The following MDFIC variants were observed in gnomAD, a reference collection of about 807,000 sequenced individuals.
The protein encoded by MDFIC is MyoD family inhibitor domain containing.
Under a neutral mutation model 23.2 loss-of-function variants are expected in MDFIC, and 17 were observed. The observed-to-expected ratio is 0.73, with a 90% CI of 0.50 to 1.10. MDFIC has a LOEUF of 1.10. Among genes scored for constraint, MDFIC ranks in the 50% least tolerant of loss-of-function variants. The probability of loss-of-function intolerance (pLI) is 0.00; values close to 1 mark genes in which losing one functional copy is unlikely to be tolerated. For missense variants in MDFIC, 356 were observed against 316.6 expected (o/e 1.12, Z -0.95); for synonymous variants, 120 against 115.2 (o/e 1.04, Z -0.27).
chr7:115,005,446 T>C (rs1227079717), intron 4 of MDFIC, among the ~76,000 whole-genome samples: 1 of 152,220 alleles, frequency 6.6e-6, no homozygotes, highest in Non-Finnish European at 1.5e-5. Flanking sequence ...CCTTTCTTTT[T>C]GTAGTTCTGG....
intron 3 of MDFIC, among the ~76,000 whole-genome samples, chr7:114,958,004 G>A (rs1247071852): frequency 6.6e-6 from 1 of 152,178 alleles, no homozygotes; most frequent in Non-Finnish European, 1.5e-5. Flanking sequence ...TAAAAAATGA[G>A]TCATGGACTT....
chr7:115,003,770 T>C (rs1466122363), intron 4 of MDFIC, among the ~76,000 whole-genome samples: 2 of 152,204 alleles, frequency 1.3e-5, no homozygotes, highest in Non-Finnish European at 1.5e-5. Flanking sequence ...ATCTAACATA[T>C]GCTTCTTCTT....
At chr7:114,985,430 G>T (rs912176941) in intron 4 of MDFIC, among the ~76,000 whole-genome samples, 6 of 151,938 alleles carry the variant, frequency 3.9e-5, no homozygotes, top group African/African-American at 1.5e-4. Flanking sequence ...ATAGAGGGAG[G>T]CATTCAAGGC....
rs1212080682 is a variant in MDFIC at position 114,998,443 on chromosome 7, T to C, written c.494-17245T>C. 1.6e-4 allele frequency among the ~76,000 whole-genome samples: 25 copies of C among 152,000 alleles called. 1 individual carries two copies. The highest frequency in any genetic ancestry group is 1.6e-3 in the Admixed American group (25 of 15,256). ...AGTTGCATTGTTGAGGGTGGAAGAG[T>C]GAGTATATTTAAATCAGCTGGACTA... On this transcript the variant is annotated intron_variant, in intron 4 of 4. Transcript: ENST00000393486.
Position 115,018,374 on chromosome 7 carries a change from T to C in MDFIC, c.*2439T>C, listed in dbSNP as rs1791835021. Reference sequence around the variant, plus strand: ...TTTAAACATGTACTGGCACAATTTGTGATGAAAATATTAGCACATTTGCAA... The same window carrying C: ...TTTAAACATGTACTGGCACAATTTGCGATGAAAATATTAGCACATTTGCAA... On this transcript the variant is annotated 3_prime_UTR_variant, in exon 5 of 5. Transcript: ENST00000393486. The C allele has an allele frequency of 6.6e-6, 1 of 152,010 alleles. No individual in the cohort carries two copies. Among genetic ancestry groups the C allele is most frequent in the Non-Finnish European group, 1.5e-5 (1 of 67,866 alleles). 9.4% of individuals were successfully genotyped at this position (152,010 alleles called of 1,614,324 possible).
At chr7:114,923,780 C>T in intron 2 of MDFIC, 1 of 642,574 alleles carries the variant, frequency 1.6e-6, no homozygotes, top group Non-Finnish European at 2.2e-6. Context: ...AACCTTTCTT[C>T]TCTTGAAGGC....
intron 4 of MDFIC, among the ~76,000 whole-genome samples, chr7:115,002,599 C>A (rs1009043075): frequency 1.3e-5 from 2 of 152,224 alleles, no homozygotes; most frequent in African/African-American, 4.8e-5. Flanking sequence ...TTTAAAGAAG[C>A]ACTTGGCAAC....
At chr7:114,959,532 A>G (rs1792946189) in intron 3 of MDFIC, among the ~76,000 whole-genome samples, 1 of 152,196 alleles carries the variant, frequency 6.6e-6, no homozygotes. Context: ...GTTTTGGCAT[A>G]CAACATTAAA....
At chr7:114,935,462 TTTG>T (rs779319696) in intron 2 of MDFIC, among the ~76,000 whole-genome samples, 223 of 152,236 alleles carry the variant, frequency 1.5e-3, no homozygotes, top group Non-Finnish European at 2.6e-3. Context: ...ATCAACATAA[TTTG>T]TATTAGTCTT....
intron 2 of MDFIC, among the ~76,000 whole-genome samples, chr7:114,932,129 G>A (rs886195621): frequency 2.0e-5 from 3 of 152,142 alleles, no homozygotes; most frequent in Admixed American, 2.0e-4. Context: ...TTAAGCGTGG[G>A]AAAGTATAGG....
At chr7:114,989,982 A>T (rs1477804188) in intron 4 of MDFIC, among the ~76,000 whole-genome samples, 1 of 152,194 alleles carries the variant, frequency 6.6e-6, no homozygotes, top group African/African-American at 2.4e-5. Context: ...CATAGCTTTT[A>T]CACATAGTAT....
chr7:114,948,273 T>C (rs1792690339), intron 3 of MDFIC, among the ~76,000 whole-genome samples: 1 of 152,176 alleles, frequency 6.6e-6, no homozygotes, highest in Admixed American at 6.5e-5. Context: ...TCATGTCAAG[T>C]TTGAAGTATG....
chr7:114,942,505 C>G, intron 3 of MDFIC, 108 bp downstream of exon 3: 1 of 851,694 alleles, frequency 1.2e-6, no homozygotes, highest in Non-Finnish European at 1.7e-6. Flanking sequence ...AAATCAACAG[C>G]GTTTATCTAA....
At chr7:114,951,184 TAAAAAA>T (rs1792761775) in intron 3 of MDFIC, among the ~76,000 whole-genome samples, 1 of 152,008 alleles carries the variant, frequency 6.6e-6, no homozygotes, top group African/African-American at 2.4e-5. Flanking sequence ...AGACCCTGTC[TAAAAAA>T]GAAAAAGAAA....
intron 2 of MDFIC, among the ~76,000 whole-genome samples, chr7:114,928,318 G>T (rs1937693129): frequency 6.6e-6 from 1 of 151,910 alleles, no homozygotes; most frequent in African/African-American, 2.4e-5. Flanking sequence ...AAAAAAAAAA[G>T]GTCTACGGAA....
chr7:114,984,664 G>A (rs1324547393), intron 4 of MDFIC, among the ~76,000 whole-genome samples: 1 of 152,142 alleles, frequency 6.6e-6, no homozygotes, highest in Non-Finnish European at 1.5e-5. Flanking sequence ...AAGACTAAAT[G>A]TTTAAGATTC....
intron 3 of MDFIC, among the ~76,000 whole-genome samples, chr7:114,966,801 A>T (rs1437642823): frequency 6.6e-6 from 1 of 152,212 alleles, no homozygotes; most frequent in Non-Finnish European, 1.5e-5. Context: ...GGGCAGGGTT[A>T]GGCCCGTAGA....
intron 4 of MDFIC, among the ~76,000 whole-genome samples, chr7:114,991,381 T>G (rs1390719588): frequency 1.3e-5 from 2 of 152,174 alleles, no homozygotes; most frequent in Admixed American, 6.5e-5. Context: ...ATTTTGTCTT[T>G]TGTTGCCATT....
intron 4 of MDFIC, among the ~76,000 whole-genome samples, chr7:114,996,813 G>A (rs534001371): frequency 4.6e-5 from 7 of 152,290 alleles, no homozygotes; most frequent in Non-Finnish European, 8.8e-5. Context: ...TTTGAATGCA[G>A]GATTAAGAAC....
Sources: allele counts gnomAD v4.1 joint callset (sites outside exome capture counted in the v4.1 genomes callset), GRCh38; gene constraint gnomAD v4.1.1; transcripts MANE v1.5; gene names NCBI Gene and HGNC (gene_info 2026-07-23, HGNC 2026-07-21).